The following NKAIN3 variants were observed in gnomAD, a reference collection of about 807,000 sequenced individuals.
The protein encoded by NKAIN3 is sodium/potassium-transporting ATPase subunit beta-1-interacting protein 3.
Under a neutral mutation model 30.2 loss-of-function variants are expected in NKAIN3, and 25 were observed. The observed-to-expected ratio is 0.83, with a 90% confidence interval of 0.60 to 1.16. NKAIN3 has a LOEUF of 1.16. NKAIN3 is among the 50% of genes most tolerant of loss of function. NKAIN3 has a pLI of 0.00. For missense variants in NKAIN3, 225 were observed against 254.1 expected (o/e 0.89, Z 0.78); for synonymous variants, 91 against 89.6 (o/e 1.02, Z -0.09).
intron 3 of NKAIN3, among the ~76,000 whole-genome samples, chr8:62,704,944 T>C (rs1814471006): frequency 6.6e-6 from 1 of 152,186 alleles, no homozygotes; most frequent in Non-Finnish European, 1.5e-5. Flanking sequence ...TACTACTTAT[T>C]TGTGTTTTCT....
chr8:62,986,992 G>C (rs1000870088), downstream of NKAIN3, among the ~76,000 whole-genome samples: 1 of 151,952 alleles, frequency 6.6e-6, no homozygotes, highest in African/African-American at 2.4e-5. Flanking sequence ...TATGATTTGG[G>C]AGCTCTTCAT....
intron 4 of NKAIN3, among the ~76,000 whole-genome samples, chr8:62,771,106 A>T (rs1006631712): frequency 1.3e-5 from 2 of 152,132 alleles, no homozygotes; most frequent in Non-Finnish European, 1.5e-5. Flanking sequence ...AATTATCAAA[A>T]TGTCCAAAAT....
chr8:62,289,383 A>G (rs1437301665), intron 1 of NKAIN3, among the ~76,000 whole-genome samples: 1 of 152,186 alleles, frequency 6.6e-6, no homozygotes, highest in Non-Finnish European at 1.5e-5. Flanking sequence ...TAGGTCTAAC[A>G]TTTAAGTCTT....
rs529021845 is a variant in NKAIN3 at position 62,970,730 on chromosome 8, G to C, written c.*5323G>C. On this transcript the variant is annotated 3_prime_UTR_variant, in exon 7 of 7. Transcript: ENST00000623646. ...GTTGAAAGTCACCTAATTGGGATTT[G>C]AACAGTCAGTTTTTAACTCAGAATT... Among the ~76,000 whole-genome samples the C allele has an allele frequency of 6.6e-6, 1 of 152,186 alleles. No individual in the cohort carries two copies. The highest frequency in any genetic ancestry group is 1.5e-5 in the Non-Finnish European group (1 of 68,028).
intron 1 of NKAIN3, among the ~76,000 whole-genome samples, chr8:62,334,232 A>C (rs1271978990): frequency 8.9e-6 from 1 of 112,070 alleles, no homozygotes; most frequent in Non-Finnish European, 2.2e-5. Flanking sequence ...AAAACAACAG[A>C]TATTTATTCA....
At chr8:62,432,915 A>G (rs1195890762) in intron 1 of NKAIN3, among the ~76,000 whole-genome samples, 1 of 152,204 alleles carries the variant, frequency 6.6e-6, no homozygotes, top group Non-Finnish European at 1.5e-5. Context: ...CCAAAGCCCT[A>G]TGTCCCTACC....
At chr8:62,272,605 A>G (rs1290167476) in intron 1 of NKAIN3, among the ~76,000 whole-genome samples, 3 of 152,182 alleles carry the variant, frequency 2.0e-5, no homozygotes, top group South Asian at 2.1e-4. Flanking sequence ...CCTTCAAAGA[A>G]TAGAGACCTG....
At chr8:62,897,947 G>A (rs1373476300) in intron 4 of NKAIN3, among the ~76,000 whole-genome samples, 7 of 152,124 alleles carry the variant, frequency 4.6e-5, no homozygotes, top group Non-Finnish European at 1.0e-4. Context: ...AGAATTGTAA[G>A]CCAAATTAAT....
intron 5 of NKAIN3, among the ~76,000 whole-genome samples, chr8:62,919,401 T>C (rs978460357): frequency 7.9e-5 from 12 of 151,744 alleles, no homozygotes; most frequent in Non-Finnish European, 1.3e-4. Flanking sequence ...CCCGCCACCA[T>C]GTCCGGCTAA....
intron 3 of NKAIN3, among the ~76,000 whole-genome samples, chr8:62,728,015 T>A (rs1815315015): frequency 6.6e-6 from 1 of 152,226 alleles, no homozygotes; most frequent in Admixed American, 6.5e-5. Flanking sequence ...TATATGGGTC[T>A]ATATTTGGCC....
chr8:62,459,696 T>C (rs1164430426), intron 1 of NKAIN3, among the ~76,000 whole-genome samples: 2 of 152,104 alleles, frequency 1.3e-5, no homozygotes, highest in African/African-American at 4.8e-5. Context: ...AGAAATCTAA[T>C]GGGAAAATGG....
At chr8:62,741,589 C>T (rs529825765) in intron 3 of NKAIN3, among the ~76,000 whole-genome samples, 2 of 152,178 alleles carry the variant, frequency 1.3e-5, no homozygotes, top group African/African-American at 4.8e-5. Flanking sequence ...TAAACTAACC[C>T]TTATCTTCCT....
chr8:62,343,061 A>G (rs1311680864), intron 1 of NKAIN3, among the ~76,000 whole-genome samples: 1 of 152,016 alleles, frequency 6.6e-6, no homozygotes, highest in Non-Finnish European at 1.5e-5. Flanking sequence ...TTTCATCATT[A>G]TTATTATTGC....
intron 1 of NKAIN3, among the ~76,000 whole-genome samples, chr8:62,272,098 T>G (rs1403222083): frequency 2.0e-5 from 3 of 152,192 alleles, no homozygotes; most frequent in Non-Finnish European, 2.9e-5. Context: ...ATAAATGGAT[T>G]GTTGTACAAA....
At chr8:62,878,630 T>A (rs1563608867) in intron 4 of NKAIN3, among the ~76,000 whole-genome samples, 1 of 151,712 alleles carries the variant, frequency 6.6e-6, no homozygotes, top group Non-Finnish European at 1.5e-5. Context: ...TCATTTAACA[T>A]TAGGTATATC....
chr8:62,749,385 C>T (rs1248033797), intron 4 of NKAIN3, among the ~76,000 whole-genome samples: 8 of 152,316 alleles, frequency 5.3e-5, no homozygotes, highest in East Asian at 1.9e-4. Flanking sequence ...AATTTCTCCA[C>T]GTGTTATTTT....
chr8:62,939,614 A>C (rs184444516), intron 5 of NKAIN3, among the ~76,000 whole-genome samples: 1,888 of 152,292 alleles, frequency 0.012, 42 homozygotes, highest in African/African-American at 0.044. Context: ...CTCCTTAAAC[A>C]AAACGATTAT....
At chr8:62,892,172 T>A (rs1024114129) in intron 4 of NKAIN3, among the ~76,000 whole-genome samples, 5 of 152,338 alleles carry the variant, frequency 3.3e-5, no homozygotes, top group African/African-American at 1.2e-4. Context: ...AGTAGAGGTA[T>A]CTGTATGTAT....
In NKAIN3 at chr8:62,253,785, GT is replaced by G. The variant is rs780163326; in HGVS notation, c.54+4663del. 5.9e-5 allele frequency among the ~76,000 whole-genome samples: 9 copies of G among 152,246 alleles called. No individual in the cohort carries two copies. The East Asian group carries it at 1.7e-3, about 29-fold the overall frequency. The stretch of plus-strand genomic sequence containing the variant: ...GGGGGTGGTGTAGCTGTGGTAACAT[GT>G]TTTTAACTAAGCTCTATGAAAGGTG... On this transcript the variant is annotated intron_variant, in intron 1 of 6. Transcript: ENST00000623646.
Sources: allele counts gnomAD v4.1 joint callset (sites outside exome capture counted in the v4.1 genomes callset), GRCh38; gene constraint gnomAD v4.1.1; transcripts MANE v1.5; gene names NCBI Gene and HGNC (gene_info 2026-07-23, HGNC 2026-07-21).